HELZ2: variants seen among roughly 807,000 people sequenced by gnomAD.
HELZ2 encodes helicase with zinc finger 2, also known as 3'-5' exoribonuclease HELZ2.
Under a neutral mutation model 208.8 loss-of-function variants are expected in HELZ2, and 143 were observed. The observed-to-expected ratio is 0.68, with a 90% confidence interval of 0.60 to 0.79. The LOEUF (loss-of-function observed/expected upper bound fraction) is 0.79, where lower values mean the gene tolerates loss of function less well. Ranked by LOEUF, HELZ2 falls within the 30% of genes least tolerant of loss-of-function variation. HELZ2 has a pLI of 0.00. For missense variants in HELZ2, 3,690 were observed against 3,794.5 expected, an observed-to-expected ratio of 0.97 and a Z score of 0.72; for synonymous variants, 1,705 against 1,693.7, an observed-to-expected ratio of 1.01 and a Z score of -0.16.
upstream of HELZ2, chr20:63,572,546 AGGAG>A (rs2083025845): frequency 1.3e-6 from 1 of 744,390 alleles, no homozygotes; most frequent in Non-Finnish European, 2.1e-6. Context: ...CACGTGGGCC[AGGAG>A]GGAGGGGCAG....
exon 17 of HELZ2, chr20:63,560,186 T>G (rs963523483): frequency 1.9e-6 from 3 of 1,555,274 alleles, no homozygotes; most frequent in East Asian, 2.4e-5. Context: ...CTCTTGGTGA[T>G]GGAGGACACG....
chr20:63,569,415 C>T (rs370220491), exon 4 of HELZ2: 10 of 1,608,634 alleles, frequency 6.2e-6, no homozygotes, highest in South Asian at 3.3e-5. Context: ...TGGGCGACGC[C>T]CCTGGCCCAG....
chr20:63,565,253 C>T lies in HELZ2; in HGVS notation c.3569G>A (p.Arg1190His), dbSNP rs77862413. The T allele has an allele frequency of 1.4e-4, 218 of 1,607,010 alleles. No homozygotes were observed. The African/African-American group carries it at 1.9e-3, about 14-fold the overall frequency. ...CTTCCTCTTCAGCACGCCCAGCACG[C>T]GGCCCCGAAGCCGCCCCTCGGGCGC... The change falls in exon 8 of 19, where the codon CGC becomes CAC. Residue 1190 changes from arginine to histidine, a missense_variant. Transcript: ENST00000467148.
exon 8 of HELZ2, chr20:63,565,975 C>T: frequency 6.3e-7 from 1 of 1,599,310 alleles, no homozygotes; most frequent in Non-Finnish European, 8.5e-7. Context: ...GCTCGACCTG[C>T]TCCATGGACA....
At chr20:63,558,412 G>A (rs1201906619), downstream of HELZ2, 1 of 152,342 alleles carries the variant, frequency 6.6e-6, no homozygotes, top group Non-Finnish European at 1.5e-5. Flanking sequence ...CCCTGGCTTT[G>A]GGCTGCCCTC....
At chr20:63,560,759 T>G in intron 15 of HELZ2, 36 bp downstream of exon 16, 1 of 1,605,270 alleles carries the variant, frequency 6.2e-7, no homozygotes, top group Non-Finnish European at 8.5e-7. Flanking sequence ...CCCCAGGGGC[T>G]GCAGGTGGGC....
At chr20:63,568,490 T>C in exon 5 of HELZ2, 1 of 1,588,190 alleles carries the variant, frequency 6.3e-7, no homozygotes, top group Non-Finnish European at 8.6e-7. Context: ...ACGCCTCCCA[T>C]CCCCAGGGCC....
chr20:63,561,448 G>A, exon 13 of HELZ2: 1 of 1,609,970 alleles, frequency 6.2e-7, no homozygotes, highest in Non-Finnish European at 8.5e-7. Flanking sequence ...GCCGGATCCG[G>A]TGGTGCAGGG....
At chr20:63,566,733 C>T in intron 6 of HELZ2, 111 bp downstream of exon 7, 1 of 1,109,104 alleles carries the variant, frequency 9.0e-7, no homozygotes, top group South Asian at 1.5e-5. Context: ...AATACTGCAG[C>T]CCCCTCTTAC....
Position 63,570,803 on chromosome 20 carries a change from C to T in HELZ2, c.344G>A (p.Trp115Ter). Residue 115 changes from tryptophan (W) to a stop codon, truncating the protein, a stop_gained, in exon 2 of 19, where the codon TGG (tryptophan) becomes TAG (stop). Transcript: ENST00000467148. LOFTEE classifies it high-confidence loss of function. ...CTCCACAGCCTGCGTGCGCCGGACC[C>T]ACTCCTGCAGCTCCTGTGCTGAGTG... 6.2e-7 allele frequency: 1 copy of T among 1,611,068 alleles called. No homozygotes were observed. Among genetic ancestry groups the T allele is most frequent in the East Asian group, 2.2e-5 (1 of 44,844 alleles).
In HELZ2 at chr20:63,572,175, C is replaced by A. The variant is rs529095949; in HGVS notation, c.211G>T (p.Asp71Tyr). ...CGGTGCTCCCAGGGCAGGGCCTGGT[C>A]GAAGGCCACCATCTGTGCGTGCTCC... Residue 71 changes from aspartate to tyrosine, a missense_variant, in exon 1 of 19, where the codon GAC becomes TAC. Around this residue, in one of 3 missense-constraint regions of HELZ2, gnomAD observed 1,119 missense variants for 1,193.4 expected, o/e 0.94. Transcript: ENST00000467148. The A allele has an allele frequency of 1.9e-6, 3 of 1,610,230 alleles. No homozygotes were observed. The highest frequency in any genetic ancestry group is 2.5e-6 in the Non-Finnish European group (3 of 1,179,124).
downstream of HELZ2, chr20:63,559,019 G>C: frequency 2.1e-6 from 1 of 487,386 alleles, no homozygotes; most frequent in Non-Finnish European, 3.6e-6. Context: ...GCCCCTCTTG[G>C]CCACCCTGAG....
chr20:63,560,420 A>T, intron 16 of HELZ2, 59 bp downstream of exon 17: 1 of 1,595,054 alleles, frequency 6.3e-7, no homozygotes, highest in South Asian at 1.1e-5. Context: ...CCAGACACTC[A>T]CCACCTCAGC....
chr20:63,570,035 G>A (rs1461141832), intron 3 of HELZ2: 4 of 430,634 alleles, frequency 9.3e-6, no homozygotes, highest in Non-Finnish European at 1.7e-5. Context: ...TACAACCTCC[G>A]CCTCCTGGGT....
exon 19 of HELZ2, chr20:63,559,228 G>A (rs1403681023): frequency 1.3e-6 from 2 of 1,519,194 alleles, no homozygotes. Context: ...CTGGCACCTT[G>A]CAGGTGGAGA....
chr20:63,565,204 G>A (rs892920435), exon 8 of HELZ2: 3 of 1,607,882 alleles, frequency 1.9e-6, no homozygotes, highest in African/African-American at 2.7e-5. Context: ...TGTCCATGCG[G>A]CACACAAACG....
chr20:63,565,027 G>A (rs771590147), exon 8 of HELZ2: 4 of 1,580,790 alleles, frequency 2.5e-6, no homozygotes, highest in Non-Finnish European at 2.6e-6. Context: ...TTTGGACCCA[G>A]AAGAGCCGGC....
chr20:63,564,135 G>A (rs2082921027), exon 8 of HELZ2: 1 of 1,611,742 alleles, frequency 6.2e-7, no homozygotes, highest in African/African-American at 1.3e-5. Flanking sequence ...AGGGCCTTGA[G>A]CTGCTGGCTG....
exon 1 of HELZ2, chr20:63,572,352 G>A: frequency 6.4e-7 from 1 of 1,567,732 alleles, no homozygotes; most frequent in Non-Finnish European, 8.6e-7. Context: ...CCCCGCTGGA[G>A]GCCACCCAGC....
Sources: allele counts gnomAD v4.1 joint callset, GRCh38; gene constraint gnomAD v4.1.1; regional missense constraint gnomAD v4.1.1; transcripts MANE v1.5; gene names NCBI Gene and HGNC (gene_info 2026-07-23, HGNC 2026-07-21).